Variants in DNAAF4 observed in about 807,000 individuals in gnomAD.
DNAAF4 encodes the protein dynein assembly factor 4, axonemal.
DNAAF4 carries 43 observed loss-of-function variants against 51.8 expected under a neutral mutation model. The ratio of observed to expected loss-of-function variants is 0.83; its 90% CI spans 0.65 to 1.07. The LOEUF (loss-of-function observed/expected upper bound fraction) is 1.07, where lower values mean the gene tolerates loss of function less well. Among genes scored for constraint, DNAAF4 ranks in the 50% least tolerant of loss-of-function variants. The pLI is 0.00. For synonymous variants in DNAAF4, 194 were observed against 165.6 expected, an observed-to-expected ratio of 1.17 and a Z score of -1.32; for missense variants, 581 against 493.0, an observed-to-expected ratio of 1.18 and a Z score of -1.69.
At chr15:55,497,594 T>TC in intron 3 of DNAAF4, 118 bp downstream of exon 3, 3 of 1,260,124 alleles carry the variant, frequency 2.4e-6, no homozygotes, top group Non-Finnish European at 3.2e-6. Flanking sequence ...AGCAAGACTC[T>TC]TAAAAAAAAA....
intron 5 of DNAAF4, among the ~76,000 whole-genome samples, chr15:55,460,498 A>T (rs895147681): frequency 2.6e-5 from 4 of 151,946 alleles, no homozygotes; most frequent in Non-Finnish European, 4.4e-5. Flanking sequence ...CAAATTTATA[A>T]AACAGTTATT....
chr15:55,446,189 G>A, intron 6 of DNAAF4, among the ~76,000 whole-genome samples: 1 of 146,748 alleles, frequency 6.8e-6, no homozygotes, highest in Admixed American at 6.8e-5. Context: ...AGACGGGGTG[G>A]CCGGGCAGAG....
At chr15:55,502,544 T>A (rs984103493) in intron 1 of DNAAF4, among the ~76,000 whole-genome samples, 8 of 152,128 alleles carry the variant, frequency 5.3e-5, no homozygotes, top group Non-Finnish European at 1.0e-4. Flanking sequence ...AATTTGTATG[T>A]TTTTTGTATT....
intron 3 of DNAAF4, 128 bp from the exon 4 acceptor site, chr15:55,491,384 T>C (rs911550654): frequency 2.2e-6 from 2 of 913,252 alleles, no homozygotes; most frequent in South Asian, 1.9e-5. Context: ...ACATGGAAAA[T>C]ATTTTTCAAT....
chr15:55,498,941 AAAG>A (rs148576960), intron 1 of DNAAF4, among the ~76,000 whole-genome samples: 5,861 of 150,690 alleles, frequency 0.039, 386 homozygotes, highest in African/African-American at 0.14. Context: ...AAAAAGAAAG[AAAG>A]AAAAAAAAAA....
intron 7 of DNAAF4, 109 bp downstream of exon 7, chr15:55,439,363 G>A (rs1391628894): frequency 2.3e-6 from 2 of 870,614 alleles, no homozygotes; most frequent in Non-Finnish European, 3.6e-6. Flanking sequence ...TCCCACCTCG[G>A]CCTCCCAAAG....
chr15:55,447,715 TG>T (rs1471647740), intron 6 of DNAAF4, among the ~76,000 whole-genome samples: 1 of 135,958 alleles, frequency 7.4e-6, no homozygotes, highest in Non-Finnish European at 1.6e-5. Context: ...GGCAGGGAGG[TG>T]GCAGCGAGCC....
At chr15:55,485,953 C>T (rs2058481354) in intron 4 of DNAAF4, among the ~76,000 whole-genome samples, 1 of 146,282 alleles carries the variant, frequency 6.8e-6, no homozygotes, top group Non-Finnish European at 1.5e-5. Flanking sequence ...CAAGACTGCG[C>T]CACTGCACTC....
intron 4 of DNAAF4, among the ~76,000 whole-genome samples, chr15:55,480,135 C>T (rs1395756089): frequency 1.3e-5 from 2 of 152,080 alleles, no homozygotes; most frequent in Non-Finnish European, 2.9e-5. Flanking sequence ...CCTGTTCTTA[C>T]ACCCCCTTTT....
chr15:55,453,115 G>A (rs971265498), intron 5 of DNAAF4, among the ~76,000 whole-genome samples: 4 of 152,094 alleles, frequency 2.6e-5, no homozygotes, highest in Admixed American at 6.5e-5. Context: ...ATGAGCCACC[G>A]TGCCCAGTGG....
At chr15:55,490,022 C>T (rs1465677538) in intron 4 of DNAAF4, among the ~76,000 whole-genome samples, 1 of 151,764 alleles carries the variant, frequency 6.6e-6, no homozygotes, top group East Asian at 2.0e-4. Context: ...TACAGGTGCC[C>T]ACCACCACGC....
chr15:55,486,987 C>G (rs2058498725), intron 4 of DNAAF4, among the ~76,000 whole-genome samples: 1 of 152,086 alleles, frequency 6.6e-6, no homozygotes, highest in African/African-American at 2.4e-5. Flanking sequence ...AACTCATTAG[C>G]CAGAACGAGC....
rs185441018 is a variant in DNAAF4 at position 55,437,047 on chromosome 15, C to T, written c.894-1989G>A. Among the ~76,000 whole-genome samples, 115 of 149,120 alleles carry T rather than the reference C, an allele frequency of 7.7e-4. No homozygotes were observed. The South Asian group carries it at 0.011, about 15-fold the overall frequency. ...GCTGTTCAGTCTGGTGAACTCCCAA[C>T]CTCAGGTGATCCGCCCGCCTCAGCC... On this transcript the variant is annotated intron_variant, in intron 7 of 9. Coordinates refer to ENST00000321149, the MANE Select transcript of DNAAF4 (RefSeq NM_130810.4).
chr15:55,452,882 G>C (rs1176429163), intron 5 of DNAAF4, among the ~76,000 whole-genome samples: 2 of 152,178 alleles, frequency 1.3e-5, no homozygotes, highest in African/African-American at 4.8e-5. Context: ...TGGGGAGGTG[G>C]AAATGAAACT....
rs564863625 is a variant in DNAAF4 at position 55,489,034 on chromosome 15, A to T, written c.405+2089T>A. ...AACCCAGGATGCAGAGCTTGCAGTG[A>T]GCTGAGATTGCGCCGCTGCACTCCA... On this transcript the variant is annotated intron_variant, in intron 4 of 9. Transcript: ENST00000321149. Among the ~76,000 whole-genome samples the T allele has an allele frequency of 3.3e-5, 5 of 151,878 alleles. No homozygotes were observed. In the East Asian group the frequency reaches 9.7e-4, roughly 29 times the overall value.
intron 5 of DNAAF4, 88 bp downstream of exon 5, chr15:55,466,842 T>C (rs2058177636): frequency 6.7e-7 from 1 of 1,488,322 alleles, no homozygotes; most frequent in South Asian, 1.3e-5. Flanking sequence ...AGTAACCTAA[T>C]GCTGTGAATA....
At chr15:55,432,145 T>G (rs2057506146) in intron 9 of DNAAF4, among the ~76,000 whole-genome samples, 1 of 151,614 alleles carries the variant, frequency 6.6e-6, no homozygotes, top group African/African-American at 2.4e-5. Context: ...AGTAGAGGGT[T>G]TCTCCATGTT....
intron 7 of DNAAF4, among the ~76,000 whole-genome samples, chr15:55,424,308 A>T (rs2057412009): frequency 6.6e-6 from 1 of 152,180 alleles, no homozygotes; most frequent in Non-Finnish European, 1.5e-5. Context: ...AGATGCATGT[A>T]GTCCCTTAAT....
At chr15:55,419,714 T>C (rs989496589) in intron 7 of DNAAF4, among the ~76,000 whole-genome samples, 41 of 152,140 alleles carry the variant, frequency 2.7e-4, no homozygotes, top group Admixed American at 3.3e-4. Context: ...TTAACAATAT[T>C]GGCCGGGTGC....
Sources: gnomAD v4.1 joint callset for allele counts (sites outside exome capture counted in the v4.1 genomes callset) on GRCh38, gnomAD v4.1.1 for gene constraint, MANE v1.5 for transcripts, NCBI Gene and HGNC (gene_info 2026-07-23, HGNC 2026-07-21) for gene names.